Variants in CYRIB observed in about 807,000 individuals in gnomAD.
CYRIB encodes CYFIP related Rac1 interactor B.
A neutral mutation model predicts 44.2 loss-of-function variants in CYRIB; 8 were observed. That is an observed-to-expected ratio of 0.18 (90% CI 0.11 to 0.33). The LOEUF (loss-of-function observed/expected upper bound fraction) is 0.33, where lower values mean the gene tolerates loss of function less well. Among genes scored for constraint, CYRIB ranks in the 10% least tolerant of loss-of-function variants. The pLI, the probability that CYRIB is intolerant of heterozygous loss-of-function variation, is 1.00. For missense variants in CYRIB, 185 were observed against 382.8 expected (o/e 0.48, Z 4.31); for synonymous variants, 131 against 127.2 (o/e 1.03, Z -0.20).
At chr8:129,997,282 C>G (rs2096796690) in intron 1 of CYRIB, among the ~76,000 whole-genome samples, 1 of 152,148 alleles carries the variant, frequency 6.6e-6, no homozygotes, top group African/African-American at 2.4e-5. Context: ...TGCAGGATAC[C>G]CTGTCCTCAT....
At chr8:129,874,005 G>T (rs937207950) in intron 3 of CYRIB, among the ~76,000 whole-genome samples, 1 of 151,956 alleles carries the variant, frequency 6.6e-6, no homozygotes, top group Admixed American at 6.5e-5. Flanking sequence ...TTTACTGAAA[G>T]CAAGTCATGC....
chr8:129,908,257 G>C (rs1563759228), intron 1 of CYRIB, among the ~76,000 whole-genome samples: 1 of 152,008 alleles, frequency 6.6e-6, no homozygotes, highest in Admixed American at 6.6e-5. Context: ...TCTTAAAATA[G>C]TTCATGGGAG....
intron 1 of CYRIB, among the ~76,000 whole-genome samples, chr8:129,908,416 G>A (rs1400607971): frequency 6.6e-6 from 1 of 152,110 alleles, no homozygotes; most frequent in Non-Finnish European, 1.5e-5. Context: ...TCTGAAATCA[G>A]GCTTGGGTTG....
At chr8:129,918,911 A>G (rs1417516932) in intron 1 of CYRIB, among the ~76,000 whole-genome samples, 1 of 152,256 alleles carries the variant, frequency 6.6e-6, no homozygotes, top group Non-Finnish European at 1.5e-5. Flanking sequence ...TCGTTAGCAG[A>G]AAACTGGTAA....
At chr8:130,005,419 C>T (rs1045944309) in intron 1 of CYRIB, among the ~76,000 whole-genome samples, 2 of 152,154 alleles carry the variant, frequency 1.3e-5, no homozygotes, top group South Asian at 2.1e-4. Context: ...CGGGCTTTCA[C>T]GTGCCTGGCC....
intron 3 of CYRIB, among the ~76,000 whole-genome samples, chr8:129,876,473 C>G (rs902163117): frequency 6.6e-6 from 1 of 152,162 alleles, no homozygotes; most frequent in Non-Finnish European, 1.5e-5. Flanking sequence ...TTTGCAACCC[C>G]AGCACCTACT....
chr8:129,957,922 G>A (rs1355845729), intron 2 of CYRIB, among the ~76,000 whole-genome samples: 9 of 145,926 alleles, frequency 6.2e-5, no homozygotes, highest in Non-Finnish European at 1.3e-4. Flanking sequence ...CCGAGATCGC[G>A]CCACTGCACT....
chr8:129,965,259 T>TGC (rs977606306), intron 2 of CYRIB, among the ~76,000 whole-genome samples: 2 of 151,744 alleles, frequency 1.3e-5, no homozygotes, highest in Non-Finnish European at 2.9e-5. Flanking sequence ...TGTGTGTGTG[T>TGC]GTGTGTGTGT....
chr8:129,968,972 T>G (rs1354787864), intron 2 of CYRIB, among the ~76,000 whole-genome samples: 1 of 150,544 alleles, frequency 6.6e-6, no homozygotes, highest in Non-Finnish European at 1.5e-5. Context: ...GGAGTAGTCA[T>G]GGCTTCAGCT....
At chr8:129,987,718 G>A (rs1302407638) in intron 1 of CYRIB, among the ~76,000 whole-genome samples, 1 of 151,830 alleles carries the variant, frequency 6.6e-6, no homozygotes, top group Non-Finnish European at 1.5e-5. Context: ...TCCACAGGCA[G>A]GCGCCACCTC....
intron 1 of CYRIB, among the ~76,000 whole-genome samples, chr8:129,981,709 C>T (rs552971685): frequency 2.0e-5 from 3 of 152,182 alleles, no homozygotes; most frequent in East Asian, 1.9e-4. Flanking sequence ...GAAAAGAACA[C>T]GCCTGGGGCC....
intron 10 of CYRIB, 52 bp downstream of exon 12, chr8:129,849,191 G>T (rs749974823): frequency 3.2e-5 from 48 of 1,510,162 alleles, no homozygotes; most frequent in Non-Finnish European, 4.3e-5. Context: ...AAAATCCTAT[G>T]GTTTCCATGG....
intron 2 of CYRIB, among the ~76,000 whole-genome samples, chr8:129,959,548 G>C (rs1286214828): frequency 7.9e-5 from 12 of 152,164 alleles, no homozygotes; most frequent in Non-Finnish European, 1.2e-4. Context: ...GCTGAGGTGA[G>C]AGGATGGCTT....
chr8:129,992,765 G>A (rs921693), intron 1 of CYRIB, among the ~76,000 whole-genome samples: 43,045 of 151,986 alleles, frequency 0.28, 6,405 homozygotes, highest in East Asian at 0.38. Flanking sequence ...AGTTGAGATC[G>A]CTAACAACAA....
chr8:129,973,790 G>C (rs1039109366), intron 1 of CYRIB, among the ~76,000 whole-genome samples: 1 of 152,130 alleles, frequency 6.6e-6, no homozygotes, highest in East Asian at 1.9e-4. Flanking sequence ...GTGAGACCCT[G>C]TCTCTATAAA....
At chr8:129,891,783 C>G (rs1166304960) in intron 2 of CYRIB, among the ~76,000 whole-genome samples, 2 of 152,154 alleles carry the variant, frequency 1.3e-5, no homozygotes, top group Non-Finnish European at 2.9e-5. Flanking sequence ...GGCTATTATT[C>G]TACATCCATT....
intron 2 of CYRIB, among the ~76,000 whole-genome samples, chr8:129,885,792 G>A (rs185879045): frequency 5.8e-4 from 88 of 151,576 alleles, no homozygotes; most frequent in African/African-American, 1.9e-3. Flanking sequence ...CACTTTCCCA[G>A]GTGATTATTC....
rs565277735 is a variant in CYRIB at position 130,007,289 on chromosome 8, T to C, written c.-296+9081A>G. Among the ~76,000 whole-genome samples the C allele has an allele frequency of 1.5e-4, 23 of 152,248 alleles. No homozygotes were observed. In the East Asian group the frequency reaches 4.1e-3, roughly 27 times the overall value. ...GCTCTCGGCTACACAACTCCATTCA[T>C]AGACTTTTCCAGTTACGTTTGAGGT... On this transcript the variant is annotated intron_variant, in intron 1 of 14. Transcript: ENST00000401979.
chr8:129,941,808 A>G (rs1309429354), upstream of CYRIB, among the ~76,000 whole-genome samples: 1 of 152,192 alleles, frequency 6.6e-6, no homozygotes, highest in African/African-American at 2.4e-5. Context: ...GAAATCTTTC[A>G]TATTATCTTC....
Sources: gnomAD v4.1 joint callset for allele counts (sites outside exome capture counted in the v4.1 genomes callset) on GRCh38, gnomAD v4.1.1 for gene constraint, MANE v1.5 for transcripts, NCBI Gene and HGNC (gene_info 2026-07-23, HGNC 2026-07-21) for gene names.